MDGA2: variants seen among roughly 807,000 people sequenced by gnomAD.
MDGA2 encodes the protein MAM domain containing glycosylphosphatidylinositol anchor 2.
MDGA2 carries 40 observed loss-of-function variants against 117.8 expected under a neutral mutation model. That is an observed-to-expected ratio of 0.34 (90% CI 0.26 to 0.44). The LOEUF is 0.44. Among genes scored for constraint, MDGA2 ranks in the 20% least tolerant of loss-of-function variants. MDGA2 has a pLI of 1.00. For missense variants in MDGA2, 1,123 were observed against 1,250.6 expected, an observed-to-expected ratio of 0.90 and a Z score of 1.54; for synonymous variants, 452 against 439.0, an observed-to-expected ratio of 1.03 and a Z score of -0.37.
intron 10 of MDGA2, among the ~76,000 whole-genome samples, chr14:46,899,959 T>C (rs1403930620): frequency 6.6e-6 from 1 of 151,996 alleles, no homozygotes; most frequent in East Asian, 1.9e-4. Flanking sequence ...AATATCCATA[T>C]ATACTTAGAA....
chr14:47,123,662 C>T (rs1221986171), intron 5 of MDGA2, among the ~76,000 whole-genome samples: 1 of 151,798 alleles, frequency 6.6e-6, no homozygotes, highest in Non-Finnish European at 1.5e-5. Flanking sequence ...TATAAATATA[C>T]CTAGAATATG....
chr14:46,992,387 C>T (rs940319677), intron 8 of MDGA2, among the ~76,000 whole-genome samples: 5 of 152,154 alleles, frequency 3.3e-5, no homozygotes, highest in African/African-American at 1.2e-4. Flanking sequence ...ATTCACCATT[C>T]AAGTGATTAG....
intron 3 of MDGA2, among the ~76,000 whole-genome samples, chr14:47,216,514 G>A (rs2139504700): frequency 6.6e-6 from 1 of 151,988 alleles, no homozygotes; most frequent in South Asian, 2.1e-4. Flanking sequence ...AGTCATTTCA[G>A]GTCAAATTTT....
intron 3 of MDGA2, among the ~76,000 whole-genome samples, chr14:47,147,118 T>C (rs916832039): frequency 3.5e-4 from 53 of 152,018 alleles, no homozygotes; most frequent in Admixed American, 1.4e-3. Flanking sequence ...GGAGATTATA[T>C]ATGTATGTTT....
intron 2 of MDGA2, among the ~76,000 whole-genome samples, chr14:47,221,597 A>G (rs1886302929): frequency 6.6e-6 from 1 of 151,432 alleles, no homozygotes; most frequent in Non-Finnish European, 1.5e-5. Context: ...CTGAGACAGG[A>G]GAATGGCGTG....
intron 2 of MDGA2, among the ~76,000 whole-genome samples, chr14:47,262,246 T>C (rs555217326): frequency 6.6e-6 from 1 of 152,286 alleles, no homozygotes; most frequent in South Asian, 2.1e-4. Flanking sequence ...TATTCATTCA[T>C]CTATGGATTA....
At chr14:46,847,037 A>G (rs1358279919) in intron 15 of MDGA2, among the ~76,000 whole-genome samples, 1 of 152,084 alleles carries the variant, frequency 6.6e-6, no homozygotes, top group East Asian at 1.9e-4. Context: ...GTCCTGGGAA[A>G]GCCATAGCTT....
In MDGA2 at chr14:47,675,577, G is replaced by C. The variant is rs1474728253; in HGVS notation, c.-781C>G. 6.6e-6 allele frequency among the ~76,000 whole-genome samples: 1 copy of C among 152,132 alleles called. No homozygotes were observed. Among genetic ancestry groups the C allele is most frequent in the East Asian group, 1.9e-4 (1 of 5,158 alleles). On this transcript the variant is annotated 5_prime_UTR_variant, in exon 1 of 17. Transcript: ENST00000399232. ...TTCCCGGAGCCGAAAGCAGAGTCCA[G>C]GCACCGCCACTTGCAAGAGAGGGAG...
intron 1 of MDGA2, among the ~76,000 whole-genome samples, chr14:47,454,719 G>C (rs12587399): frequency 0.67 from 102,484 of 151,970 alleles, 35,102 homozygotes; most frequent in East Asian, 0.98. Context: ...ATTATAATGG[G>C]TGGAATTAAA....
chr14:47,561,175 G>GTTTTTTTTTTTTTT (rs150826944), intron 1 of MDGA2, among the ~76,000 whole-genome samples: 15 of 69,358 alleles, frequency 2.2e-4, no homozygotes, highest in Non-Finnish European at 4.2e-4. Context: ...TTTTTTGTTT[G>GTTTTTTTTTTTTTT]TTTGTTTTTT....
chr14:46,927,153 A>G (rs1445180785), intron 9 of MDGA2, among the ~76,000 whole-genome samples: 3 of 152,192 alleles, frequency 2.0e-5, no homozygotes, highest in South Asian at 2.1e-4. Context: ...GTGTCATGAA[A>G]TTGGGAGCAT....
intron 1 of MDGA2, among the ~76,000 whole-genome samples, chr14:47,335,284 TAAAAAAAAA>T (rs35051327): frequency 1.9e-5 from 2 of 107,854 alleles, no homozygotes; most frequent in Admixed American, 2.1e-4. Flanking sequence ...AAGTATATGG[TAAAAAAAAA>T]AAAAAAAAAA....
intron 9 of MDGA2, among the ~76,000 whole-genome samples, chr14:46,950,084 C>T (rs1480384653): frequency 2.6e-5 from 4 of 151,658 alleles, no homozygotes; most frequent in African/African-American, 7.3e-5. Context: ...ATAAATTCCT[C>T]ATTATATGTT....
intron 15 of MDGA2, among the ~76,000 whole-genome samples, chr14:46,853,753 A>T (rs1178006589): frequency 1.3e-5 from 2 of 151,928 alleles, no homozygotes; most frequent in African/African-American, 4.8e-5. Flanking sequence ...TCATGTGGAA[A>T]GTGAAAGTAT....
chr14:47,509,297 T>G (rs746327048), intron 1 of MDGA2, among the ~76,000 whole-genome samples: 3 of 152,216 alleles, frequency 2.0e-5, no homozygotes, highest in Non-Finnish European at 2.9e-5. Context: ...ACCCTTGAAA[T>G]GTTTATTCTG....
chr14:47,108,141 A>G (rs1490452018), intron 5 of MDGA2, among the ~76,000 whole-genome samples: 2 of 151,932 alleles, frequency 1.3e-5, no homozygotes, highest in East Asian at 1.9e-4. Flanking sequence ...ACCAACTTAA[A>G]AAGGACTGGA....
chr14:47,197,995 C>T (rs1885349913), intron 3 of MDGA2, among the ~76,000 whole-genome samples: 1 of 152,138 alleles, frequency 6.6e-6, no homozygotes, highest in Admixed American at 6.5e-5. Context: ...CCTTGATTTC[C>T]TGCAAAATGA....
chr14:47,458,010 T>A (rs200512415), intron 1 of MDGA2, among the ~76,000 whole-genome samples: 34,349 of 94,070 alleles, frequency 0.37, 4,725 homozygotes, highest in South Asian at 0.59. Context: ...TCCCCATATT[T>A]TTTTTTTTTT....
intron 16 of MDGA2, among the ~76,000 whole-genome samples, chr14:46,844,116 AT>A (rs1200878100): frequency 3.3e-5 from 5 of 152,222 alleles, no homozygotes; most frequent in African/African-American, 1.2e-4. Context: ...TGACAAAAAA[AT>A]AAAATTAAAT....
Sources: allele counts gnomAD v4.1 joint callset (sites outside exome capture counted in the v4.1 genomes callset), GRCh38; gene constraint gnomAD v4.1.1; transcripts MANE v1.5; gene names NCBI Gene and HGNC (gene_info 2026-07-23, HGNC 2026-07-21).